The following PARP9 variants were observed in gnomAD, a reference collection of about 807,000 sequenced individuals.
PARP9 encodes the protein poly(ADP-ribose) polymerase family member 9, also known as protein mono-ADP-ribosyltransferase PARP9.
Under a neutral mutation model 68.8 loss-of-function variants are expected in PARP9, and 48 were observed. The observed-to-expected ratio is 0.70, with a 90% CI of 0.55 to 0.89. PARP9 has a LOEUF of 0.89. Among genes scored for constraint, PARP9 ranks in the 40% least tolerant of loss-of-function variants. The pLI is 0.00. For missense variants in PARP9, 806 were observed against 969.3 expected, an observed-to-expected ratio of 0.83 and a Z score of 2.24; for synonymous variants, 309 against 333.8, an observed-to-expected ratio of 0.93 and a Z score of 0.81.
At chr3:122,551,417 A>C (rs939597092) in intron 5 of PARP9, among the ~76,000 whole-genome samples, 5 of 152,170 alleles carry the variant, frequency 3.3e-5, no homozygotes, top group South Asian at 2.1e-4. Flanking sequence ...AAGATAGACA[A>C]AGGCAGAGAA....
At chr3:122,542,441 C>T (rs746390736) in intron 7 of PARP9, among the ~76,000 whole-genome samples, 1 of 151,676 alleles carries the variant, frequency 6.6e-6, no homozygotes. Context: ...GAGTCTCGCT[C>T]TGTTGCCCAG....
chr3:122,537,109 C>A lies in PARP9; in HGVS notation c.1766-36G>T, dbSNP rs757829435. On this transcript the variant is annotated intron_variant, in intron 8 of 10. Coordinates refer to ENST00000682323, the MANE Select transcript of PARP9 (RefSeq NM_001146105.2). ...GTAACACAAAAACTTTACTTCAATG[C>A]TCTGAGAGAGGAGAAAAGAAATTTA... The A allele has an allele frequency of 1.9e-6, 3 of 1,562,638 alleles. No homozygotes were observed. The African/African-American group carries it at 4.1e-5, about 22-fold the overall frequency.
intron 6 of PARP9, among the ~76,000 whole-genome samples, chr3:122,546,969 T>A (rs1258849700): frequency 2.4e-4 from 3 of 12,370 alleles, no homozygotes; most frequent in Admixed American, 2.4e-3. Flanking sequence ...TACATGGCAC[T>A]ATATATATAT....
In PARP9 at chr3:122,533,895, C is replaced by T. The variant is rs188453679; in HGVS notation, c.2080+2273G>A. 5.2e-4 allele frequency: 517 copies of T among 985,428 alleles called. 1 individual carries two copies. The African/African-American group carries it at 7.6e-3, about 15-fold the overall frequency. The allele number at this position is 985,428 out of a possible 1,614,324, so 61.0% of individuals were successfully genotyped here. A position where few individuals can be genotyped will look rare whatever the true frequency, so the allele number is the denominator to read the frequency against. On this transcript the variant is annotated intron_variant, in intron 10 of 10. Transcript: ENST00000682323. ...GAGTCCTATAATTTGGAATATTGCA[C>T]GGCTGAAAAAGCTAAGAGCTTTTGT... is the stretch of plus-strand genomic sequence containing the variant.
intron 3 of PARP9, 133 bp downstream of exon 3, chr3:122,558,301 G>T: frequency 6.2e-7 from 1 of 1,606,824 alleles, no homozygotes; most frequent in East Asian, 2.2e-5. Context: ...ATGTGCGGGG[G>T]TCCCCACAAG....
chr3:122,554,448 G>A (rs1186329741), intron 4 of PARP9, among the ~76,000 whole-genome samples: 1 of 152,094 alleles, frequency 6.6e-6, no homozygotes, highest in African/African-American at 2.4e-5. Flanking sequence ...GAATATAATT[G>A]ATTTTAGGTT....
rs781108654 is a variant in PARP9, at chr3:122,555,647, G to A, written c.524C>T (p.Thr175Ile). 1.3e-5 allele frequency: 21 copies of A among 1,613,958 alleles called. 1 individual carries two copies. In the South Asian group the frequency reaches 2.3e-4, roughly 18 times the overall value. The change falls in exon 4 of 11, where the codon ACT becomes ATT. Residue 175 changes from threonine to isoleucine, a missense_variant. Around this residue, in one of 2 missense-constraint regions of PARP9, gnomAD observed 680 missense variants for 858.8 expected, o/e 0.79. Transcript: ENST00000682323. ...RWMEWDKQGC[T>I]GKLQRAIVSI... is the part of the protein sequence containing the mutation. ...TACAATGGCCCTCTGCAGCTTTCCA[G>A]TACATCCCTGTTTATCCCATTCCAT...
chr3:122,533,959 T>C, intron 10 of PARP9: 7 of 985,478 alleles, frequency 7.1e-6, no homozygotes, highest in Non-Finnish European at 8.4e-6. Flanking sequence ...GCAAGATTGG[T>C]GTCTCCTGGG....
rs550824646 is a variant in PARP9 at position 122,533,913 on chromosome 3, G to T, written c.2080+2255C>A. The T allele has an allele frequency of 5.8e-5, 57 of 985,454 alleles. No homozygotes were observed. The African/African-American group carries it at 9.8e-4, about 17-fold the overall frequency. 61.0% of individuals were successfully genotyped at this position (985,454 alleles called of 1,614,324 possible). On this transcript the variant is annotated intron_variant, in intron 10 of 10. Coordinates refer to ENST00000682323, the MANE Select transcript of PARP9 (RefSeq NM_001146105.2). ...TATTGCACGGCTGAAAAAGCTAAGA[G>T]CTTTTGTACTCCAAATAACAACAGC...
upstream of PARP9, chr3:122,564,583 A>G (rs750194251): frequency 3.7e-6 from 6 of 1,601,552 alleles, no homozygotes; most frequent in African/African-American, 6.8e-5. Context: ...AGCCCCGGGC[A>G]CCTTCCGGGT....
rs552532252 is a variant in PARP9 at position 122,559,943 on chromosome 3, G to A, written c.-89-234C>T. On this transcript the variant is annotated intron_variant, in intron 1 of 10. Transcript: ENST00000682323. The stretch of plus-strand genomic sequence containing the variant: ...GTTCAGAGAAGGGAAAATGCTCTAC[G>A]ACCTGGAACAGGAAAAGCTATATGG... Among the ~76,000 whole-genome samples, 17 of 152,288 alleles carry A rather than the reference G, an allele frequency of 1.1e-4. 1 individual carries two copies. The highest frequency in any genetic ancestry group is 2.0e-4 in the Admixed American group (3 of 15,294).
At chr3:122,559,514 G>C (rs757035074) in intron 2 of PARP9, 92 bp downstream of exon 2, 24 of 1,302,978 alleles carry the variant, frequency 1.8e-5, no homozygotes, top group Non-Finnish European at 2.4e-5. Context: ...GATGTCAACT[G>C]TTGGTGAACA....
At chr3:122,532,192 T>C (rs2077360052) in intron 10 of PARP9, 4 of 985,190 alleles carry the variant, frequency 4.1e-6, no homozygotes, top group South Asian at 4.7e-5. Flanking sequence ...GCTTGGAGGA[T>C]GAACATGCTC....
At chr3:122,534,110 C>A in intron 10 of PARP9, 1 of 966,336 alleles carries the variant, frequency 1.0e-6, no homozygotes, top group Non-Finnish European at 1.2e-6. Flanking sequence ...GCAGAGCACA[C>A]AGACAGCAGG....
At chr3:122,535,815 G>A in intron 10 of PARP9, 1 of 1,103,960 alleles carries the variant, frequency 9.1e-7, no homozygotes, top group African/African-American at 1.7e-5. Flanking sequence ...CAGTGCTGTT[G>A]GTAATAATTT....
At chr3:122,564,680 C>T, upstream of PARP9, 3 of 1,534,970 alleles carry the variant, frequency 2.0e-6, no homozygotes, top group Non-Finnish European at 2.6e-6. Context: ...CCAGGCGGAC[C>T]CAGTTCCAGC....
At position 122,558,414 on chromosome 3, in the gene PARP9, T is replaced by C; in HGVS notation, c.49+20A>G. The C allele has an allele frequency of 6.2e-7, 1 of 1,613,862 alleles. No individual in the cohort carries two copies. The highest frequency in any genetic ancestry group is 1.1e-5 in the South Asian group (1 of 91,040). ...GAGCAAAGACTTTCTGAAACAAGAGTGAGAGCGAGGTAATCCTACCTGATT... is the reference window on the plus strand; with the variant it reads ...GAGCAAAGACTTTCTGAAACAAGAGCGAGAGCGAGGTAATCCTACCTGATT... On this transcript the variant is annotated intron_variant, in intron 3 of 10. Transcript: ENST00000682323.
In PARP9 at chr3:122,536,669, T is replaced by A. The variant is rs146223233; in HGVS notation, c.1905+265A>T. On this transcript the variant is annotated intron_variant, in intron 9 of 10. Coordinates refer to ENST00000682323, the MANE Select transcript of PARP9 (RefSeq NM_001146105.2). ...TATAACACAGTGTGATAAATGCTAT[T>A]CCACTTCTTTTATTTTGCTCAAAGA... 28 of 539,132 alleles carry A rather than the reference T, an allele frequency of 5.2e-5. No individual in the cohort carries two copies. In the East Asian group the frequency reaches 7.1e-4, roughly 14 times the overall value. 33.4% of individuals were successfully genotyped at this position (539,132 alleles called of 1,614,324 possible).
At chr3:122,562,243 C>T (rs570013022) in intron 1 of PARP9, among the ~76,000 whole-genome samples, 3 of 151,380 alleles carry the variant, frequency 2.0e-5, no homozygotes, top group East Asian at 1.9e-4. Context: ...CAGGCTGTGG[C>T]GCGATCTTGG....
Sources: gnomAD v4.1 joint callset for allele counts (sites outside exome capture counted in the v4.1 genomes callset) on GRCh38, gnomAD v4.1.1 for gene constraint, gnomAD v4.1.1 regional missense constraint, MANE v1.5 for transcripts, NCBI Gene and HGNC (gene_info 2026-07-23, HGNC 2026-07-21) for gene names.